DESI2: variants seen among roughly 807,000 people sequenced by gnomAD.
DESI2 encodes deubiquitinase DESI2.
DESI2 carries 10 observed loss-of-function variants against 24.1 expected under a neutral mutation model. That is an observed-to-expected ratio of 0.41 (90% CI 0.26 to 0.70). The LOEUF (loss-of-function observed/expected upper bound fraction) is 0.70. Ranked by LOEUF, DESI2 falls within the 30% of genes least tolerant of loss-of-function variation. The pLI, the probability that DESI2 is intolerant of heterozygous loss-of-function variation, is 0.29. For missense variants in DESI2, 122 were observed against 234.9 expected, an observed-to-expected ratio of 0.52 and a Z score of 3.14; for synonymous variants, 71 against 87.7, an observed-to-expected ratio of 0.81 and a Z score of 1.06.
chr1:244,665,758 A>C (rs1049105013), intron 1 of DESI2, among the ~76,000 whole-genome samples: 1 of 152,248 alleles, frequency 6.6e-6, no homozygotes, highest in Non-Finnish European at 1.5e-5. Context: ...ACAAGCTGCA[A>C]CATCACCTCT....
At chr1:244,654,265 G>A (rs1425915287) in intron 1 of DESI2, among the ~76,000 whole-genome samples, 2 of 152,198 alleles carry the variant, frequency 1.3e-5, no homozygotes, top group African/African-American at 4.8e-5. Context: ...CTGTAGACTG[G>A]ATTAGTACCT....
At chr1:244,664,020 GAAAAA>G (rs34195856) in intron 1 of DESI2, among the ~76,000 whole-genome samples, 77 of 89,378 alleles carry the variant, frequency 8.6e-4, no homozygotes, top group African/African-American at 3.3e-3. Context: ...TCCGTCTCAG[GAAAAA>G]AAAAAAAAAA....
chr1:244,700,971 A>G (rs778454884), intron 4 of DESI2, among the ~76,000 whole-genome samples: 5 of 152,188 alleles, frequency 3.3e-5, no homozygotes, highest in Non-Finnish European at 7.3e-5. Context: ...TGTGGTTATG[A>G]TATTTAGCTG....
intron 2 of DESI2, among the ~76,000 whole-genome samples, chr1:244,688,598 AT>A (rs1676902784): frequency 6.6e-6 from 1 of 152,182 alleles, no homozygotes; most frequent in Non-Finnish European, 1.5e-5. Flanking sequence ...ATTATTCTCC[AT>A]TTTGTTCTCC....
At chr1:244,701,183 G>A (rs1197169602) in intron 4 of DESI2, among the ~76,000 whole-genome samples, 1 of 126,228 alleles carries the variant, frequency 7.9e-6, no homozygotes, top group Non-Finnish European at 1.6e-5. Context: ...TACAGAGAAA[G>A]CCAAGGGCAT....
chr1:244,668,588 T>C (rs1329047501), intron 1 of DESI2, among the ~76,000 whole-genome samples: 1 of 152,200 alleles, frequency 6.6e-6, no homozygotes, highest in Non-Finnish European at 1.5e-5. Context: ...TTTAATACTA[T>C]CTTTTATGGA....
In DESI2 at chr1:244,705,798, A is replaced by G. The variant is rs1408898757; in HGVS notation, c.*9A>G. On this transcript the variant is annotated 3_prime_UTR_variant, in exon 5 of 5. Coordinates refer to ENST00000302550, the MANE Select transcript of DESI2 (RefSeq NM_016076.5). ...GCCACACTAAACTATAAATGTCTCCAAAGTCACACATTCAGAACTGTCTCT... is the reference window on the plus strand; with the variant it reads ...GCCACACTAAACTATAAATGTCTCCGAAGTCACACATTCAGAACTGTCTCT... The G allele has an allele frequency of 2.5e-6, 4 of 1,590,022 alleles. No individual in the cohort carries two copies. Among genetic ancestry groups the G allele is most frequent in the Non-Finnish European group, 3.4e-6 (4 of 1,165,898 alleles).
At chr1:244,654,391 T>C (rs141761439) in intron 1 of DESI2, among the ~76,000 whole-genome samples, 21 of 152,334 alleles carry the variant, frequency 1.4e-4, no homozygotes, top group Non-Finnish European at 2.1e-4. Context: ...CCAAGAGTCT[T>C]ATACAGTTCT....
chr1:244,669,987 C>T (rs566141823), intron 1 of DESI2, among the ~76,000 whole-genome samples: 204 of 147,706 alleles, frequency 1.4e-3, no homozygotes, highest in Admixed American at 3.2e-3. Context: ...TAGGGAGTTT[C>T]GCTCTTGTTC....
At chr1:244,671,661 A>G (rs1207243331) in intron 1 of DESI2, among the ~76,000 whole-genome samples, 2 of 152,254 alleles carry the variant, frequency 1.3e-5, no homozygotes, top group African/African-American at 2.4e-5. Context: ...GACAAAATCA[A>G]TGAAGGCTTA....
intron 1 of DESI2, among the ~76,000 whole-genome samples, chr1:244,677,795 C>T (rs1676460993): frequency 6.6e-6 from 1 of 152,078 alleles, no homozygotes; most frequent in Admixed American, 6.5e-5. Context: ...TGGTGCATGC[C>T]TCTAGTCCCA....
At chr1:244,674,862 T>A (rs1676363531) in intron 1 of DESI2, among the ~76,000 whole-genome samples, 1 of 152,250 alleles carries the variant, frequency 6.6e-6, no homozygotes, top group African/African-American at 2.4e-5. Context: ...TTCATTTCTC[T>A]TGGGCATATG....
At chr1:244,698,686 A>T (rs1280516543) in intron 4 of DESI2, among the ~76,000 whole-genome samples, 1 of 152,196 alleles carries the variant, frequency 6.6e-6, no homozygotes, top group Non-Finnish European at 1.5e-5. Flanking sequence ...ACTGAAAGAG[A>T]TACAGGCTCA....
intron 1 of DESI2, among the ~76,000 whole-genome samples, chr1:244,683,659 T>C (rs1226912633): frequency 6.6e-6 from 1 of 152,066 alleles, no homozygotes. Context: ...CTAACAAATA[T>C]ATCCTGGAAA....
intron 1 of DESI2, among the ~76,000 whole-genome samples, chr1:244,674,152 G>A (rs1302286052): frequency 3.3e-5 from 5 of 151,642 alleles, no homozygotes; most frequent in Admixed American, 1.3e-4. Context: ...CCGCCACCAC[G>A]CCCAGCTAAT....
chr1:244,684,607 AT>A (rs1181694041), intron 1 of DESI2, among the ~76,000 whole-genome samples: 6 of 152,140 alleles, frequency 3.9e-5, no homozygotes, highest in Admixed American at 2.6e-4. Context: ...TAAAAAAAAA[AT>A]CTCAGCTAAT....
At chr1:244,655,474 A>G (rs1215863167) in intron 1 of DESI2, among the ~76,000 whole-genome samples, 2 of 152,210 alleles carry the variant, frequency 1.3e-5, no homozygotes, top group African/African-American at 4.8e-5. Flanking sequence ...TTATGTCACT[A>G]ATTCAGCAAC....
chr1:244,682,619 C>G (rs1334407286), intron 1 of DESI2, among the ~76,000 whole-genome samples: 1 of 152,024 alleles, frequency 6.6e-6, no homozygotes, highest in East Asian at 1.9e-4. Flanking sequence ...CTTACACAAA[C>G]TTTTTCTGTA....
chr1:244,662,017 G>T (rs188295556), intron 1 of DESI2, among the ~76,000 whole-genome samples: 4 of 152,308 alleles, frequency 2.6e-5, no homozygotes, highest in African/African-American at 4.8e-5. Flanking sequence ...CTAGTTTACA[G>T]TCCCACAACA....
Sources: gnomAD v4.1 joint callset for allele counts (sites outside exome capture counted in the v4.1 genomes callset) on GRCh38, gnomAD v4.1.1 for gene constraint, MANE v1.5 for transcripts, NCBI Gene and HGNC (gene_info 2026-07-23, HGNC 2026-07-21) for gene names.